Variants in IQCJ observed in about 807,000 individuals in gnomAD.
IQCJ encodes IQ motif containing J.
Under a neutral mutation model 11.0 loss-of-function variants are expected in IQCJ, and 9 were observed. That is an observed-to-expected ratio of 0.82 (90% confidence interval 0.49 to 1.43). The LOEUF (loss-of-function observed/expected upper bound fraction) is 1.43. IQCJ is among the 40% of genes most tolerant of loss of function. The pLI is 0.00. For synonymous variants in IQCJ, 55 were observed against 51.3 expected, an observed-to-expected ratio of 1.07 and a Z score of -0.31; for missense variants, 146 against 133.2, an observed-to-expected ratio of 1.10 and a Z score of -0.47.
intron 1 of IQCJ, among the ~76,000 whole-genome samples, chr3:159,103,543 T>C (rs1191007728): frequency 6.6e-6 from 1 of 152,212 alleles, no homozygotes; most frequent in Non-Finnish European, 1.5e-5. Flanking sequence ...TACAGGACAA[T>C]TTAGGACAAA....
At chr3:159,173,708 A>G (rs1292219076) in intron 1 of IQCJ, among the ~76,000 whole-genome samples, 1 of 152,164 alleles carries the variant, frequency 6.6e-6, no homozygotes, top group Non-Finnish European at 1.5e-5. Flanking sequence ...ACTGATTGTC[A>G]TTCCTTATGG....
At chr3:159,143,435 G>T (rs1360271394) in intron 1 of IQCJ, among the ~76,000 whole-genome samples, 1 of 151,974 alleles carries the variant, frequency 6.6e-6, no homozygotes, top group African/African-American at 2.4e-5. Flanking sequence ...TTATCATTTA[G>T]TTCCTCATCC....
chr3:159,252,606 T>C (rs1560043547), intron 2 of IQCJ, 121 bp from the exon 3 acceptor site: 3 of 916,172 alleles, frequency 3.3e-6, no homozygotes, highest in Non-Finnish European at 3.1e-6. Flanking sequence ...CTTTAATAAA[T>C]TAAAATAAAC....
chr3:159,161,414 T>C lies in IQCJ; in HGVS notation c.10-84429T>C, dbSNP rs536547631. 5.3e-3 allele frequency among the ~76,000 whole-genome samples: 811 copies of C among 152,346 alleles called. 3 individuals are homozygous for C. Among genetic ancestry groups the C allele is most frequent in the African/African-American group, 0.018 (767 of 41,580 alleles). ...CTTGTAAATTTGTTTGAGTTCATTG[T>C]AGATTCTGGATATTAGCCCTTTGTC... is the stretch of plus-strand genomic sequence containing the variant. On this transcript the variant is annotated intron_variant, in intron 1 of 3. Transcript: ENST00000397832.
At chr3:159,135,851 G>A (rs1720259926) in intron 1 of IQCJ, among the ~76,000 whole-genome samples, 1 of 152,160 alleles carries the variant, frequency 6.6e-6, no homozygotes, top group African/African-American at 2.4e-5. Context: ...CATGCTTGGT[G>A]GGCGGCACCT....
chr3:159,211,706 A>G (rs75929268), intron 1 of IQCJ, among the ~76,000 whole-genome samples: 3,207 of 152,252 alleles, frequency 0.021, 100 homozygotes, highest in African/African-American at 0.073. Flanking sequence ...AACTCTTTTC[A>G]TTGGTTGGAC....
chr3:159,144,310 C>CT (rs1720795951), intron 1 of IQCJ, among the ~76,000 whole-genome samples: 1 of 152,176 alleles, frequency 6.6e-6, no homozygotes, highest in South Asian at 2.1e-4. Context: ...ATATAGTTGT[C>CT]TAAAAAGTCT....
intron 1 of IQCJ, among the ~76,000 whole-genome samples, chr3:159,166,804 A>C (rs1301386808): frequency 6.6e-6 from 1 of 152,196 alleles, no homozygotes; most frequent in Non-Finnish European, 1.5e-5. Context: ...AATTCTTCCT[A>C]GAGGAAATAT....
intron 3 of IQCJ, among the ~76,000 whole-genome samples, chr3:159,253,419 G>A (rs888930052): frequency 9.2e-5 from 14 of 151,978 alleles, no homozygotes; most frequent in African/African-American, 2.9e-4. Context: ...CTTTATTATA[G>A]AACAAAATAT....
intron 1 of IQCJ, among the ~76,000 whole-genome samples, chr3:159,238,821 G>A (rs941289654): frequency 2.6e-5 from 4 of 152,102 alleles, no homozygotes; most frequent in Admixed American, 2.6e-4. Context: ...TGAATCATTT[G>A]ACTGGGCTCA....
Position 159,262,848 on chromosome 3 carries a change from C to T in IQCJ, c.*117C>T, listed in dbSNP as rs2108238783. 1 of 1,433,492 alleles carries T rather than the reference C, an allele frequency of 7.0e-7. No homozygotes were observed. Among genetic ancestry groups the T allele is most frequent in the East Asian group, 2.4e-5 (1 of 42,294 alleles). The allele number at this position is 1,433,492 out of a possible 1,614,324, so 88.8% of individuals were successfully genotyped here. On this transcript the variant is annotated 3_prime_UTR_variant, in exon 4 of 4. Coordinates refer to ENST00000397832, the MANE Select transcript of IQCJ (RefSeq NM_001042706.3). Reference sequence around the variant, plus strand: ...GAACCCATGGTGAGAGTTTTGTCACCTCAAAATAAAGACACAATTCATAAG... The same window carrying T: ...GAACCCATGGTGAGAGTTTTGTCACTTCAAAATAAAGACACAATTCATAAG...
intron 1 of IQCJ, among the ~76,000 whole-genome samples, chr3:159,153,534 A>G (rs1186830706): frequency 6.6e-6 from 1 of 152,262 alleles, no homozygotes; most frequent in Non-Finnish European, 1.5e-5. Flanking sequence ...TTTAGATATT[A>G]GAGATACGGC....
intron 1 of IQCJ, among the ~76,000 whole-genome samples, chr3:159,107,744 G>A (rs562401505): frequency 6.6e-6 from 1 of 152,114 alleles, no homozygotes; most frequent in Non-Finnish European, 1.5e-5. Context: ...AGAAACTGAC[G>A]TACAGAGAGG....
intron 1 of IQCJ, among the ~76,000 whole-genome samples, chr3:159,092,723 C>CAA (rs1717413233): frequency 6.6e-6 from 1 of 151,208 alleles, no homozygotes; most frequent in Non-Finnish European, 1.5e-5. Context: ...CACACACACA[C>CAA]ACACACACCA....
chr3:159,119,522 A>G (rs923180372), intron 1 of IQCJ, among the ~76,000 whole-genome samples: 4 of 152,214 alleles, frequency 2.6e-5, no homozygotes, highest in Non-Finnish European at 5.9e-5. Context: ...TTTTCATAGA[A>G]CATTTGAAGA....
Position 159,249,873 on chromosome 3 carries a change from A to G in IQCJ, c.75-2854A>G, listed in dbSNP as rs140412660. On this transcript the variant is annotated intron_variant, in intron 2 of 3. Transcript: ENST00000397832. ...CTGCAGCTCCATACTATCTGAGACC[A>G]TTGGCAGAGCCAATCAAGTGCATTT... Among the ~76,000 whole-genome samples, 1,143 of 149,350 alleles carry G rather than the reference A, an allele frequency of 7.7e-3. 13 individuals carry two copies. The highest frequency in any genetic ancestry group is 0.027 in the African/African-American group (1,089 of 40,824).
At chr3:159,086,668 T>C (rs1241987191) in intron 1 of IQCJ, among the ~76,000 whole-genome samples, 1 of 151,808 alleles carries the variant, frequency 6.6e-6, no homozygotes, top group Non-Finnish European at 1.5e-5. Flanking sequence ...TATTTTATTC[T>C]CTTTGAAGCA....
intron 1 of IQCJ, among the ~76,000 whole-genome samples, chr3:159,163,911 G>T (rs1722022360): frequency 6.6e-6 from 1 of 152,112 alleles, no homozygotes; most frequent in African/African-American, 2.4e-5. Context: ...ATGTGTACCA[G>T]GCAGAGAGCA....
intron 1 of IQCJ, among the ~76,000 whole-genome samples, chr3:159,232,042 T>C (rs1021389627): frequency 3.3e-5 from 5 of 152,204 alleles, no homozygotes; most frequent in African/African-American, 1.2e-4. Flanking sequence ...TTAGTCTGGC[T>C]AGTGGTCTAT....
Sources: allele counts gnomAD v4.1 joint callset (sites outside exome capture counted in the v4.1 genomes callset), GRCh38; gene constraint gnomAD v4.1.1; transcripts MANE v1.5; gene names NCBI Gene and HGNC (gene_info 2026-07-23, HGNC 2026-07-21).